KDM6A: variants seen among roughly 807,000 people sequenced by gnomAD.
KDM6A encodes lysine-specific demethylase 6A.
A neutral mutation model predicts 117.6 loss-of-function variants in KDM6A; 11 were observed. The observed-to-expected ratio is 0.09, with a 90% CI of 0.06 to 0.15. The LOEUF (loss-of-function observed/expected upper bound fraction) is 0.15, where lower values mean the gene tolerates loss of function less well. Among genes scored for constraint, KDM6A ranks in the 10% least tolerant of loss-of-function variants. The pLI is 1.00. For missense variants in KDM6A, 799 were observed against 1,077.3 expected (o/e 0.74, Z 3.62); for synonymous variants, 384 against 396.1 (o/e 0.97, Z 0.36).
At chrX:44,949,799 G>A (rs1779589248) in intron 2 of KDM6A, among the ~76,000 whole-genome samples, 2 of 111,775 alleles carry the variant, frequency 1.8e-5, no homozygotes, top group African/African-American at 6.5e-5. Context: ...GCAGAATAAT[G>A]TAGTCTTTTA....
At chrX:45,097,443 C>G (rs1233010468) in intron 27 of KDM6A, among the ~76,000 whole-genome samples, 1 of 110,852 alleles carries the variant, frequency 9.0e-6, no homozygotes, top group East Asian at 2.8e-4. Context: ...TTGCAGTATC[C>G]TGGGAACGAA....
intron 6 of KDM6A, among the ~76,000 whole-genome samples, chrX:45,029,741 A>G (rs1395309992): frequency 8.9e-6 from 1 of 111,926 alleles, no homozygotes; most frequent in Non-Finnish European, 1.9e-5. Context: ...ATATGAATAC[A>G]AATTGCTCAC....
Position 45,078,461 on chromosome X carries a change from A to G in KDM6A, c.3050A>G (p.Asn1017Ser). 3 of 1,209,541 alleles carry G rather than the reference A, an allele frequency of 2.5e-6. No homozygotes were observed. Among genetic ancestry groups the G allele is most frequent in the Non-Finnish European group, 3.4e-6 (3 of 894,523 alleles). Residue 1017 changes from asparagine (N) to serine (S), a missense_variant, in exon 20 of 30, where the codon AAC (asparagine) becomes AGC (serine). Asn to Ser is a conservative substitution (Grantham distance 46). Coordinates refer to ENST00000611820, the MANE Select transcript of KDM6A (RefSeq NM_001291415.2). ...CATCAATTTTGTACAAATCCGAACA[A>G]CCCTGTTACAGTAATACGTGGCCTT... ...PLHQFCTNPN[N>S]PVTVIRGLAG...
chrX:45,043,472 A>G (rs1301367023), intron 8 of KDM6A, among the ~76,000 whole-genome samples: 1 of 111,141 alleles, frequency 9.0e-6, no homozygotes, highest in East Asian at 2.8e-4. Flanking sequence ...ACTTTAGTAG[A>G]TTAAAAAATA....
intron 2 of KDM6A, 116 bp downstream of exon 2, chrX:44,874,103 T>C: frequency 1.5e-6 from 1 of 659,837 alleles, no homozygotes; most frequent in South Asian, 2.4e-5. Context: ...GTCGAGGGGC[T>C]TCCGGAAACT....
intron 2 of KDM6A, among the ~76,000 whole-genome samples, chrX:44,896,431 TCAGA>T (rs2033861422): frequency 9.0e-6 from 1 of 111,226 alleles, no homozygotes; most frequent in Non-Finnish European, 1.9e-5. Flanking sequence ...GAACAACACA[TCAGA>T]TGGTGTGATA....
intron 27 of KDM6A, among the ~76,000 whole-genome samples, chrX:45,104,351 G>T (rs1426447463): frequency 8.9e-6 from 1 of 112,759 alleles, no homozygotes; most frequent in African/African-American, 3.2e-5. Context: ...TTACCATAAG[G>T]TAAACTTACA....
chrX:45,002,451 A>G (rs1331497568), intron 4 of KDM6A, among the ~76,000 whole-genome samples: 2 of 112,405 alleles, frequency 1.8e-5, no homozygotes, highest in Non-Finnish European at 3.8e-5. Flanking sequence ...TTTAGCCAGT[A>G]TGTTTACACA....
At chrX:44,920,540 G>A (rs1416171430) in intron 2 of KDM6A, among the ~76,000 whole-genome samples, 5 of 109,812 alleles carry the variant, frequency 4.6e-5, no homozygotes, top group Non-Finnish European at 7.6e-5. Flanking sequence ...CCGGGTTCAC[G>A]CCATTCTCCT....
At chrX:45,038,600 G>GGGA (rs1556248446) in intron 8 of KDM6A, among the ~76,000 whole-genome samples, 6 of 107,892 alleles carry the variant, frequency 5.6e-5, no homozygotes, top group African/African-American at 2.0e-4. Flanking sequence ...ATTTGGGGGG[G>GGGA]GGTGGTTGGA....
chrX:44,987,151 T>A (rs2040276825), intron 4 of KDM6A, among the ~76,000 whole-genome samples: 1 of 112,015 alleles, frequency 8.9e-6, no homozygotes, highest in Admixed American at 9.5e-5. Flanking sequence ...AATTGATCGC[T>A]TTACCATTAT....
At chrX:44,940,999 C>T (rs757461357) in intron 2 of KDM6A, among the ~76,000 whole-genome samples, 2 of 111,281 alleles carry the variant, frequency 1.8e-5, no homozygotes, top group East Asian at 2.8e-4. Context: ...CATGCCACTG[C>T]ACTCCAGCCT....
intron 29 of KDM6A, among the ~76,000 whole-genome samples, chrX:45,110,627 A>G: frequency 8.9e-6 from 1 of 112,111 alleles, no homozygotes; most frequent in African/African-American, 3.2e-5. Flanking sequence ...GCTTTTAAAT[A>G]TACTTCTGCT....
chrX:45,090,401 G>A (rs766974248), intron 26 of KDM6A, among the ~76,000 whole-genome samples: 2 of 111,607 alleles, frequency 1.8e-5, no homozygotes, highest in African/African-American at 6.5e-5. Flanking sequence ...GTAACTTTGG[G>A]CAAGTTATTT....
intron 26 of KDM6A, 74 bp from the exon 27 acceptor site, chrX:45,090,649 G>C (rs2045855396): frequency 9.3e-7 from 1 of 1,075,962 alleles, no homozygotes; most frequent in Non-Finnish European, 1.3e-6. Flanking sequence ...GATATCACCT[G>C]AGCAGGTGAT....
At chrX:44,934,831 G>T (rs764357847) in intron 2 of KDM6A, among the ~76,000 whole-genome samples, 1 of 111,406 alleles carries the variant, frequency 9.0e-6, no homozygotes, top group African/African-American at 3.3e-5. Context: ...ATTCTAGATA[G>T]GAGTAGATCC....
intron 4 of KDM6A, among the ~76,000 whole-genome samples, chrX:45,000,326 A>G (rs944752102): frequency 8.9e-6 from 1 of 112,249 alleles, no homozygotes; most frequent in Non-Finnish European, 1.9e-5. Context: ...TTGATCTGGT[A>G]TTCCCCGTGG....
chrX:45,042,259 GA>G lies in KDM6A; in HGVS notation c.654+4571del, dbSNP rs1336023626. Among the ~76,000 whole-genome samples the G allele has an allele frequency of 8.6e-3, 91 of 10,612 alleles. 9 individuals are homozygous for G. Among genetic ancestry groups the G allele is most frequent in the African/African-American group, 0.052 (89 of 1,701 alleles). The allele number at this position is 10,612 out of a possible 115,157, so 9.2% of individuals were successfully genotyped here. On this transcript the variant is annotated intron_variant, in intron 8 of 29. Coordinates refer to ENST00000611820, the MANE Select transcript of KDM6A (RefSeq NM_001291415.2). ...AGACCGTGGAAGGAGACCGTGGAGGGAGAGGGGAGAGGGGAGAGGGGAGAGG... is the reference window on the plus strand; with the variant it reads ...AGACCGTGGAAGGAGACCGTGGAGGGGAGGGGAGAGGGGAGAGGGGAGAGG...
intron 2 of KDM6A, among the ~76,000 whole-genome samples, chrX:44,933,432 C>T (rs768012637): frequency 1.7e-4 from 18 of 105,591 alleles, no homozygotes; most frequent in South Asian, 8.6e-4. Flanking sequence ...CCACCACGCC[C>T]GGCTAATTTT....
Sources: gnomAD v4.1 joint callset for allele counts (sites outside exome capture counted in the v4.1 genomes callset) on GRCh38, gnomAD v4.1.1 for gene constraint, MANE v1.5 for transcripts, NCBI Gene and HGNC (gene_info 2026-07-23, HGNC 2026-07-21) for gene names.